Variants in PHC3 observed in about 807,000 individuals in gnomAD.
PHC3 encodes the protein polyhomeotic homolog 3.
Under a neutral mutation model 107.4 loss-of-function variants are expected in PHC3, and 13 were observed. The ratio of observed to expected loss-of-function variants is 0.12; its 90% CI spans 0.08 to 0.19. PHC3 has a LOEUF of 0.19. Ranked by LOEUF, PHC3 falls within the 10% of genes least tolerant of loss-of-function variation. The pLI is 1.00. For missense variants in PHC3, 992 were observed against 1,210.9 expected, an observed-to-expected ratio of 0.82 and a Z score of 2.68; for synonymous variants, 456 against 427.4, an observed-to-expected ratio of 1.07 and a Z score of -0.83.
At chr3:170,153,988 A>C (rs1430535453) in intron 4 of PHC3, among the ~76,000 whole-genome samples, 1 of 152,126 alleles carries the variant, frequency 6.6e-6, no homozygotes, top group African/African-American at 2.4e-5. Flanking sequence ...ATAGTGAACA[A>C]CTTCTCAAAA....
chr3:170,128,051 T>G (rs1450715032), intron 8 of PHC3, among the ~76,000 whole-genome samples: 1 of 152,156 alleles, frequency 6.6e-6, no homozygotes, highest in Non-Finnish European at 1.5e-5. Context: ...ATATTTTTCC[T>G]TAGTAGAAAT....
chr3:170,128,616 A>G (rs1403557318), intron 8 of PHC3, 68 bp downstream of exon 8: 1 of 1,513,372 alleles, frequency 6.6e-7, no homozygotes, highest in Non-Finnish European at 8.9e-7. Context: ...GCAATAAAAC[A>G]TAGTGTGGGA....
rs575385713 is a variant in PHC3 at position 170,178,266 on chromosome 3, C to A, written c.180+507G>T. ...TCACGCCATTCTCCTGCCTCAGCCT[C>A]CCGAGTAGCTGGGACTACAGGCGCC... is the stretch of plus-strand genomic sequence containing the variant. On this transcript the variant is annotated intron_variant, in intron 2 of 14. Transcript: ENST00000495893. 1.9e-3 allele frequency among the ~76,000 whole-genome samples: 289 copies of A among 151,774 alleles called. 2 individuals are homozygous for A. The highest frequency in any genetic ancestry group is 6.4e-3 in the African/African-American group (266 of 41,402).
At chr3:170,147,228 G>A (rs1226428089) in intron 5 of PHC3, 2 of 152,118 alleles carry the variant, frequency 1.3e-5, no homozygotes, top group Non-Finnish European at 2.9e-5. Context: ...ATTCAATTTA[G>A]TAAATTTGAC....
intron 11 of PHC3, among the ~76,000 whole-genome samples, chr3:170,111,114 G>A (rs2108324114): frequency 1.3e-5 from 2 of 152,164 alleles, no homozygotes; most frequent in Middle Eastern, 6.8e-3. Context: ...AAAAGTTAGG[G>A]AAATATGAAT....
chr3:170,100,848 T>G (rs1009694084), intron 14 of PHC3, among the ~76,000 whole-genome samples: 1 of 152,148 alleles, frequency 6.6e-6, no homozygotes, highest in African/African-American at 2.4e-5. Flanking sequence ...GCAACTACTT[T>G]TCTCAGGATA....
At chr3:170,133,162 A>G (rs1284284410) in intron 7 of PHC3, among the ~76,000 whole-genome samples, 2 of 152,090 alleles carry the variant, frequency 1.3e-5, no homozygotes, top group Admixed American at 6.6e-5. Context: ...ATATCTCAAA[A>G]TATCTTCGCT....
At chr3:170,126,902 T>C (rs1721398875) in intron 8 of PHC3, among the ~76,000 whole-genome samples, 1 of 152,030 alleles carries the variant, frequency 6.6e-6, no homozygotes. Context: ...ATTAAAAATA[T>C]ATAAGGACTA....
chr3:170,098,789 A>AATT (rs1386772006), intron 14 of PHC3, among the ~76,000 whole-genome samples: 1 of 152,118 alleles, frequency 6.6e-6, no homozygotes, highest in African/African-American at 2.4e-5. Flanking sequence ...CTATTTTAAT[A>AATT]ATTTCTCAGA....
chr3:170,135,512 TACAC>T (rs200069803), intron 7 of PHC3, among the ~76,000 whole-genome samples: 1 of 151,564 alleles, frequency 6.6e-6, no homozygotes, highest in Non-Finnish European at 1.5e-5. Context: ...CACATACACA[TACAC>T]ACACACTCAA....
At chr3:170,163,363 T>C (rs1487767810) in intron 4 of PHC3, among the ~76,000 whole-genome samples, 1 of 151,936 alleles carries the variant, frequency 6.6e-6, no homozygotes, top group Non-Finnish European at 1.5e-5. Flanking sequence ...GGAAAGAGAA[T>C]GACATATACA....
chr3:170,148,832 A>G (rs2108588646), intron 5 of PHC3: 1 of 294,124 alleles, frequency 3.4e-6, no homozygotes, highest in East Asian at 5.7e-5. Context: ...TTAAAAAATA[A>G]TCACTCTTAC....
chr3:170,159,727 T>C (rs1727555784), intron 4 of PHC3, among the ~76,000 whole-genome samples: 1 of 152,042 alleles, frequency 6.6e-6, no homozygotes, highest in African/African-American at 2.4e-5. Flanking sequence ...GCCATGAAAC[T>C]ACAAAATAAA....
chr3:170,106,761 T>C (rs1005427312), intron 12 of PHC3, 71 bp downstream of exon 12: 9 of 900,988 alleles, frequency 1.0e-5, no homozygotes, highest in Admixed American at 8.7e-5. Flanking sequence ...GGTAAGCTAT[T>C]CAAGGGTTTT....
chr3:170,147,070 A>G (rs1041628355), intron 5 of PHC3, among the ~76,000 whole-genome samples: 3 of 151,314 alleles, frequency 2.0e-5, no homozygotes, highest in Non-Finnish European at 4.4e-5. Context: ...GGGTTTCTCC[A>G]TGTTGGTCAG....
chr3:170,101,432 CAGAG>C (rs1448784002), intron 14 of PHC3, among the ~76,000 whole-genome samples: 1 of 152,028 alleles, frequency 6.6e-6, no homozygotes, highest in Admixed American at 6.6e-5. Context: ...TAGTTGCCAT[CAGAG>C]AAAGACTAAT....
At chr3:170,158,431 T>C (rs1727241376) in intron 4 of PHC3, among the ~76,000 whole-genome samples, 1 of 151,702 alleles carries the variant, frequency 6.6e-6, no homozygotes, top group Admixed American at 6.6e-5. Flanking sequence ...TGAAACCCCA[T>C]CTCCACTAAA....
At chr3:170,156,233 G>A (rs936724202) in intron 4 of PHC3, among the ~76,000 whole-genome samples, 1 of 152,096 alleles carries the variant, frequency 6.6e-6, no homozygotes. Context: ...TTACAGGCAT[G>A]AGCCACCATA....
At chr3:170,133,755 G>A (rs753183055) in intron 7 of PHC3, among the ~76,000 whole-genome samples, 1 of 152,130 alleles carries the variant, frequency 6.6e-6, no homozygotes, top group Non-Finnish European at 1.5e-5. Context: ...TTGACCATCA[G>A]AGGAATGCAA....
Sources: gnomAD v4.1 joint callset for allele counts (sites outside exome capture counted in the v4.1 genomes callset) on GRCh38, gnomAD v4.1.1 for gene constraint, MANE v1.5 for transcripts, NCBI Gene and HGNC (gene_info 2026-07-23, HGNC 2026-07-21) for gene names.